The following MCCC2 variants were observed in gnomAD, a reference collection of about 807,000 sequenced individuals.
MCCC2 encodes methylcrotonoyl-CoA carboxylase beta chain, mitochondrial.
In MCCC2, 52 loss-of-function variants were observed where a neutral mutation model predicts 77.2. The observed-to-expected ratio is 0.67, with a 90% CI of 0.54 to 0.85. MCCC2 has a LOEUF of 0.85. Ranked by LOEUF, MCCC2 falls within the 40% of genes least tolerant of loss-of-function variation. The pLI, the probability that MCCC2 is intolerant of heterozygous loss-of-function variation, is 0.00. For synonymous variants in MCCC2, 253 were observed against 248.4 expected, an observed-to-expected ratio of 1.02 and a Z score of -0.18; for missense variants, 682 against 703.2, an observed-to-expected ratio of 0.97 and a Z score of 0.34.
At chr5:71,636,972 G>A (rs1026694891) in intron 10 of MCCC2, among the ~76,000 whole-genome samples, 1 of 151,810 alleles carries the variant, frequency 6.6e-6, no homozygotes, top group Non-Finnish European at 1.5e-5. Flanking sequence ...TCGAACTCCT[G>A]ACCTTAGGTG....
rs772234424 is a variant in MCCC2 at position 71,631,974 on chromosome 5, A to G, written c.739-147A>G. 131 of 759,106 alleles carry G rather than the reference A, an allele frequency of 1.7e-4. 1 individual carries two copies. The highest frequency in any genetic ancestry group is 2.9e-4 in the Non-Finnish European group (122 of 422,498). The allele number at this position is 759,106 out of a possible 1,614,324, so 47.0% of individuals were successfully genotyped here. A position where few individuals can be genotyped will look rare whatever the true frequency, so the allele number is the denominator to read the frequency against. On this transcript the variant is annotated intron_variant, in intron 7 of 16. Coordinates refer to ENST00000340941, the MANE Select transcript of MCCC2 (RefSeq NM_022132.5). ...AAAGATAATAGTCTCCAGGTTTCCT[A>G]GGTGCATGAATGAGAAAGCACAGTG...
At chr5:71,649,075 C>G in intron 13 of MCCC2, 22 bp from the exon 14 acceptor site, 2 of 1,614,094 alleles carry the variant, frequency 1.2e-6, no homozygotes, top group Non-Finnish European at 1.7e-6. Context: ...CCCAGAGGCT[C>G]TCTTTCTGAT....
chr5:71,614,987 G>A (rs1052639596), intron 6 of MCCC2, among the ~76,000 whole-genome samples: 3 of 151,980 alleles, frequency 2.0e-5, no homozygotes, highest in Admixed American at 1.3e-4. Context: ...CCCCCTTTGA[G>A]ATGGAGTCTC....
intron 11 of MCCC2, 143 bp downstream of exon 11, chr5:71,641,218 T>G: frequency 1.4e-6 from 1 of 723,928 alleles, no homozygotes; most frequent in Non-Finnish European, 2.4e-6. Flanking sequence ...TAAAAGGAAC[T>G]GCTTTATAAA....
At chr5:71,592,692 G>A (rs1252756482) in intron 1 of MCCC2, among the ~76,000 whole-genome samples, 1 of 152,198 alleles carries the variant, frequency 6.6e-6, no homozygotes, top group Non-Finnish European at 1.5e-5. Flanking sequence ...AGTAAGATAT[G>A]GAGAGATGGA....
intron 6 of MCCC2, among the ~76,000 whole-genome samples, chr5:71,618,109 C>A (rs1746227810): frequency 6.6e-6 from 1 of 152,126 alleles, no homozygotes; most frequent in Non-Finnish European, 1.5e-5. Flanking sequence ...TTCTCCATAT[C>A]TGAGGCCTGA....
chr5:71,656,622 T>C lies in MCCC2; in HGVS notation c.1575-121T>C, dbSNP rs1002633605. The C allele has an allele frequency of 5.0e-6, 4 of 800,586 alleles. No homozygotes were observed. The African/African-American group carries it at 6.7e-5, about 13-fold the overall frequency. The allele number at this position is 800,586 out of a possible 1,614,324, so 49.6% of individuals were successfully genotyped here. A position where few individuals can be genotyped will look rare whatever the true frequency, so the allele number is the denominator to read the frequency against. On this transcript the variant is annotated intron_variant, in intron 16 of 16. Coordinates refer to ENST00000340941, the MANE Select transcript of MCCC2 (RefSeq NM_022132.5). Reference sequence around the variant, plus strand: ...CTGTTGTGAGATTATGGTACATGGATGCTAATCAGTAGATCCATATATTAC... The same window carrying C: ...CTGTTGTGAGATTATGGTACATGGACGCTAATCAGTAGATCCATATATTAC...
intron 13 of MCCC2, among the ~76,000 whole-genome samples, 167 bp from the exon 14 acceptor site, chr5:71,648,930 C>T (rs1480901400): frequency 6.6e-6 from 1 of 152,226 alleles, no homozygotes; most frequent in Non-Finnish European, 1.5e-5. Flanking sequence ...TTTATTTTAT[C>T]CTTTTAAAGC....
chr5:71,640,985 T>G lies in MCCC2; in HGVS notation c.1000-18T>G, dbSNP rs1272392559. The stretch of plus-strand genomic sequence containing the variant: ...TTGCAATATAATTTCTCAAGGCCAT[T>G]GTTGTTTTTCCTCTTAGGTCATTGC... On this transcript the variant is annotated intron_variant, in intron 10 of 16. Transcript: ENST00000340941. 1.2e-6 allele frequency: 2 copies of G among 1,610,486 alleles called. No homozygotes were observed. The highest frequency in any genetic ancestry group is 1.3e-5 in the African/African-American group (1 of 74,978).
chr5:71,601,851 T>C (rs1745449737), intron 4 of MCCC2, among the ~76,000 whole-genome samples: 1 of 152,216 alleles, frequency 6.6e-6, no homozygotes, highest in African/African-American at 2.4e-5. Flanking sequence ...GCCGCCCTGC[T>C]CTTTGTGACT....
intron 1 of MCCC2, among the ~76,000 whole-genome samples, chr5:71,591,487 A>C (rs1580267086): frequency 7.8e-6 from 1 of 128,672 alleles, no homozygotes; most frequent in Non-Finnish European, 1.5e-5. Context: ...CCCAGGCTGG[A>C]GTGCAATGAT....
intron 11 of MCCC2, among the ~76,000 whole-genome samples, chr5:71,641,602 A>T (rs776400470): frequency 6.6e-6 from 1 of 152,244 alleles, no homozygotes; most frequent in Non-Finnish European, 1.5e-5. Flanking sequence ...CAAAATAAGG[A>T]TGTTTATAAA....
chr5:71,650,493 C>T (rs1282477966), intron 15 of MCCC2, among the ~76,000 whole-genome samples: 1 of 152,038 alleles, frequency 6.6e-6, no homozygotes, highest in African/African-American at 2.4e-5. Flanking sequence ...GAGACAGAGT[C>T]TCGCTCTGTC....
At chr5:71,609,599 C>T (rs1313375966) in intron 6 of MCCC2, among the ~76,000 whole-genome samples, 4 of 150,376 alleles carry the variant, frequency 2.7e-5, no homozygotes, top group Admixed American at 1.3e-4. Flanking sequence ...AGCTTTGTTC[C>T]GTTGCTGGTG....
chr5:71,649,995 A>G, intron 14 of MCCC2, 74 bp from the exon 15 acceptor site: 1 of 1,157,144 alleles, frequency 8.6e-7, no homozygotes, highest in Non-Finnish European at 1.3e-6. Context: ...CTAATTTAAA[A>G]GGCAAACATG....
In MCCC2 at chr5:71,643,703, CTT is replaced by C. The variant is rs529980574; in HGVS notation, c.1073-114_1073-113del. 361 of 1,601,142 alleles carry C rather than the reference CTT, an allele frequency of 2.3e-4. 1 individual carries two copies. In the African/African-American group the frequency reaches 4.3e-3, roughly 19 times the overall value. On this transcript the variant is annotated intron_variant, in intron 11 of 16. Coordinates refer to ENST00000340941, the MANE Select transcript of MCCC2 (RefSeq NM_022132.5). ...CTGTTTTATACCATAGACAAAATCT[CTT>C]TGCATTTTAAACTTGGATCTGATAT...
Position 71,656,758 on chromosome 5 carries a change from G to C in MCCC2, c.1590G>C (p.Gly530=), listed in dbSNP as rs1288279833. 1.2e-6 allele frequency: 2 copies of C among 1,613,688 alleles called. No homozygotes were observed. The highest frequency in any genetic ancestry group is 2.7e-5 in the African/African-American group (2 of 74,906). ...YYSSARVWDD[G]IIDPADTRLV... is the part of the protein sequence containing the mutation. ...CTTTTGTCAGGGTATGGGATGATGG[G>C]ATCATTGATCCAGCAGACACCAGAC... The change falls in exon 17 of 17, where the codon GGG becomes GGC. Residue 530 remains glycine, a synonymous_variant. Coordinates refer to ENST00000340941, the MANE Select transcript of MCCC2 (RefSeq NM_022132.5).
At chr5:71,653,431 C>T (rs1747494388) in intron 16 of MCCC2, among the ~76,000 whole-genome samples, 1 of 152,138 alleles carries the variant, frequency 6.6e-6, no homozygotes, top group African/African-American at 2.4e-5. Context: ...CTAATCTAAG[C>T]TTCATGTCTT....
chr5:71,616,259 C>G (rs970970731), intron 6 of MCCC2, among the ~76,000 whole-genome samples: 7 of 152,180 alleles, frequency 4.6e-5, no homozygotes, highest in African/African-American at 1.7e-4. Flanking sequence ...TTCTGTGGGC[C>G]ACTCTTGTAA....
Sources: gnomAD v4.1 joint callset for allele counts (sites outside exome capture counted in the v4.1 genomes callset) on GRCh38, gnomAD v4.1.1 for gene constraint, MANE v1.5 for transcripts, NCBI Gene and HGNC (gene_info 2026-07-23, HGNC 2026-07-21) for gene names.